RBFOX1: variants seen among roughly 807,000 people sequenced by gnomAD.
RBFOX1 encodes RNA binding fox-1 homolog 1.
RBFOX1 carries 8 observed loss-of-function variants against 57.7 expected under a neutral mutation model. The observed-to-expected ratio is 0.14, with a 90% CI of 0.08 to 0.25. RBFOX1 has a LOEUF of 0.25. Ranked by LOEUF, RBFOX1 falls within the 10% of genes least tolerant of loss-of-function variation. The pLI is 1.00. For missense variants in RBFOX1, 611 were observed against 548.5 expected (o/e 1.11, Z -1.14); for synonymous variants, 326 against 222.4 (o/e 1.47, Z -4.15).
chr16:5,531,225 C>T (rs2044465656), intron 2 of RBFOX1, among the ~76,000 whole-genome samples: 1 of 152,174 alleles, frequency 6.6e-6, no homozygotes, highest in Admixed American at 6.5e-5. Context: ...CAGCCCACCT[C>T]AGGCACTCTG....
chr16:6,475,327 G>A (rs2095256147), intron 2 of RBFOX1, among the ~76,000 whole-genome samples: 1 of 152,176 alleles, frequency 6.6e-6, no homozygotes, highest in African/African-American at 2.4e-5. Flanking sequence ...GGCTATATGT[G>A]CATGCTAAGT....
At chr16:5,507,679 C>G (rs149515586) in intron 2 of RBFOX1, among the ~76,000 whole-genome samples, 257 of 152,274 alleles carry the variant, frequency 1.7e-3, no homozygotes, top group African/African-American at 6.1e-3. Flanking sequence ...TGGGGTGGGT[C>G]TTAATCCAGT....
At chr16:7,087,919 T>C (rs1466811683) in intron 4 of RBFOX1, among the ~76,000 whole-genome samples, 1 of 152,122 alleles carries the variant, frequency 6.6e-6, no homozygotes, top group Admixed American at 6.6e-5. Context: ...TCGCTCTCTC[T>C]TTCTCTCTGA....
chr16:7,357,904 T>C (rs966852921), intron 4 of RBFOX1, among the ~76,000 whole-genome samples: 7 of 152,214 alleles, frequency 4.6e-5, no homozygotes, highest in Non-Finnish European at 8.8e-5. Context: ...TTAATTTTTT[T>C]CCTCTCTGAG....
chr16:6,192,878 A>C (rs1020471207), intron 1 of RBFOX1, among the ~76,000 whole-genome samples: 4 of 152,192 alleles, frequency 2.6e-5, no homozygotes, highest in Non-Finnish European at 5.9e-5. Flanking sequence ...ATAAGATGCA[A>C]CACCAAAGCT....
intron 3 of RBFOX1, among the ~76,000 whole-genome samples, chr16:7,006,347 G>A (rs763594565): frequency 1.3e-5 from 2 of 152,052 alleles, no homozygotes; most frequent in Non-Finnish European, 2.9e-5. Flanking sequence ...TAGGGACGGG[G>A]TTTTATCATG....
chr16:6,476,770 C>G (rs188444499), intron 2 of RBFOX1, among the ~76,000 whole-genome samples: 7 of 152,188 alleles, frequency 4.6e-5, no homozygotes, highest in Admixed American at 1.3e-4. Flanking sequence ...AAATACTTCT[C>G]TGCAGCACCT....
chr16:6,802,443 G>A (rs2085699775), intron 3 of RBFOX1, among the ~76,000 whole-genome samples: 3 of 152,114 alleles, frequency 2.0e-5, no homozygotes, highest in African/African-American at 4.8e-5. Flanking sequence ...TTGGGAGGCC[G>A]AGGTGGGCAC....
At chr16:6,898,219 G>T (rs2067451919) in intron 3 of RBFOX1, among the ~76,000 whole-genome samples, 1 of 152,072 alleles carries the variant, frequency 6.6e-6, no homozygotes. Context: ...TGCACCCATG[G>T]CCGCCCCTTT....
At chr16:7,144,481 G>GGA (rs1567440563) in intron 4 of RBFOX1, among the ~76,000 whole-genome samples, 2 of 138,822 alleles carry the variant, frequency 1.4e-5, no homozygotes, top group East Asian at 4.2e-4. Context: ...TGCAGTGGTG[G>GGA]CACACACACA....
At position 5,909,053 on chromosome 16, in the gene RBFOX1, G is replaced by T. The variant is rs145152696; in HGVS notation, c.351+41718G>T. Among the ~76,000 whole-genome samples the T allele has an allele frequency of 2.9e-4, 42 of 145,448 alleles. 1 individual carries two copies. Among genetic ancestry groups the T allele is most frequent in the African/African-American group, 1.0e-3 (41 of 39,288 alleles). ...TTGTGTATAAACCACTTAGTTCATG[G>T]TATTTTATTATATCGGCTCCAACAG... On this transcript the variant is annotated intron_variant, in intron 4 of 19. Transcript: ENST00000641259.
At chr16:7,622,373 G>C (rs866869638) in intron 10 of RBFOX1, among the ~76,000 whole-genome samples, 1 of 152,194 alleles carries the variant, frequency 6.6e-6, no homozygotes, top group Non-Finnish European at 1.5e-5. Flanking sequence ...CAGGTATTCA[G>C]TAAAACACTT....
intron 3 of RBFOX1, among the ~76,000 whole-genome samples, chr16:5,861,984 C>A (rs8058152): frequency 2.5e-4 from 38 of 152,286 alleles, no homozygotes; most frequent in Admixed American, 6.5e-4. Context: ...CAGAGTTGGA[C>A]TTGAGAGGAC....
chr16:5,645,089 A>T (rs887901358), intron 3 of RBFOX1, among the ~76,000 whole-genome samples: 6 of 152,020 alleles, frequency 3.9e-5, no homozygotes, highest in African/African-American at 9.6e-5. Context: ...TACAAAAAAA[A>T]AAAAAATAAA....
intron 1 of RBFOX1, among the ~76,000 whole-genome samples, chr16:5,255,910 C>T (rs2062580722): frequency 1.3e-5 from 2 of 151,866 alleles, no homozygotes; most frequent in African/African-American, 4.8e-5. Context: ...CTTTGATTTT[C>T]TTATCTGAAA....
intron 10 of RBFOX1, among the ~76,000 whole-genome samples, chr16:7,624,348 G>T (rs1173861308): frequency 1.3e-5 from 2 of 152,154 alleles, no homozygotes; most frequent in Non-Finnish European, 2.9e-5. Context: ...AATAAAAATT[G>T]TTCTCGAATA....
chr16:6,135,494 C>G (rs1458406120), intron 1 of RBFOX1, among the ~76,000 whole-genome samples: 1 of 151,970 alleles, frequency 6.6e-6, no homozygotes, highest in Admixed American at 6.6e-5. Context: ...CATTTTGAGG[C>G]AAATTGGAGG....
At chr16:5,357,237 G>A (rs2065416225) in intron 1 of RBFOX1, among the ~76,000 whole-genome samples, 1 of 152,206 alleles carries the variant, frequency 6.6e-6, no homozygotes, top group South Asian at 2.1e-4. Flanking sequence ...TTGTTCTACT[G>A]GGGCATTCTC....
chr16:6,279,292 C>A (rs1375629635), intron 1 of RBFOX1, among the ~76,000 whole-genome samples: 1 of 152,184 alleles, frequency 6.6e-6, no homozygotes, highest in Non-Finnish European at 1.5e-5. Flanking sequence ...GTTTTATCCT[C>A]ATTAGAGCCA....
Sources: allele counts gnomAD v4.1 joint callset (sites outside exome capture counted in the v4.1 genomes callset), GRCh38; gene constraint gnomAD v4.1.1; transcripts MANE v1.5; gene names NCBI Gene and HGNC (gene_info 2026-07-23, HGNC 2026-07-21).